The following GNAQ variants were observed in gnomAD, a reference collection of about 807,000 sequenced individuals.
The protein encoded by GNAQ is guanine nucleotide-binding protein G(q) subunit alpha.
A neutral mutation model predicts 43.9 loss-of-function variants in GNAQ; 8 were observed. The observed-to-expected ratio is 0.18, with a 90% CI of 0.11 to 0.33. The LOEUF (loss-of-function observed/expected upper bound fraction) is 0.33, where lower values mean the gene tolerates loss of function less well. GNAQ is among the 10% of genes least tolerant of loss of function. GNAQ has a pLI of 1.00. For missense variants in GNAQ, 158 were observed against 450.8 expected, an observed-to-expected ratio of 0.35 and a Z score of 5.88; for synonymous variants, 155 against 170.7, an observed-to-expected ratio of 0.91 and a Z score of 0.71.
chr9:77,897,328 T>C (rs1228046178), intron 2 of GNAQ, among the ~76,000 whole-genome samples: 2 of 152,186 alleles, frequency 1.3e-5, no homozygotes, highest in African/African-American at 4.8e-5. Flanking sequence ...GTAACATGAA[T>C]CCTTACTGCA....
chr9:77,997,696 G>T (rs1823586945), intron 1 of GNAQ, among the ~76,000 whole-genome samples: 1 of 152,136 alleles, frequency 6.6e-6, no homozygotes, highest in Non-Finnish European at 1.5e-5. Flanking sequence ...GCAGTCTGCA[G>T]CTCAAGGCTG....
rs565116062 is a variant in GNAQ, at chr9:77,920,835, C to G, written c.321+1326G>C. ...GAAACCAGTGTTAATTTCAAGGAAC[C>G]ATCTAAGAAAAACAAATGCCTGATT... On this transcript the variant is annotated intron_variant, in intron 2 of 6. Transcript: ENST00000286548. Among the ~76,000 whole-genome samples, 9 of 152,204 alleles carry G rather than the reference C, an allele frequency of 5.9e-5. No homozygotes were observed. In the South Asian group the frequency reaches 6.2e-4, roughly 11 times the overall value.
rs184246773 is a variant in GNAQ at position 77,892,636 on chromosome 9, C to G, written c.321+29525G>C. Reference sequence around the variant, plus strand: ...AGCAATGTTTTGTTAAAAATAGAAGCTGAAGAGCATTATTGAATATTAACA... The same window carrying G: ...AGCAATGTTTTGTTAAAAATAGAAGGTGAAGAGCATTATTGAATATTAACA... On this transcript the variant is annotated intron_variant, in intron 2 of 6. Coordinates refer to ENST00000286548, the MANE Select transcript of GNAQ (RefSeq NM_002072.5). 6.6e-5 allele frequency among the ~76,000 whole-genome samples: 10 copies of G among 152,276 alleles called. No homozygotes were observed. In the East Asian group the frequency reaches 1.9e-3, roughly 29 times the overall value.
At chr9:77,973,557 C>T (rs1823263895) in intron 1 of GNAQ, among the ~76,000 whole-genome samples, 1 of 152,194 alleles carries the variant, frequency 6.6e-6, no homozygotes, top group Admixed American at 6.5e-5. Context: ...TGGCTCACAC[C>T]TGTAATCCCA....
chr9:77,925,967 T>C (rs117884352), intron 1 of GNAQ, among the ~76,000 whole-genome samples: 5 of 152,310 alleles, frequency 3.3e-5, no homozygotes, highest in East Asian at 1.9e-4. Context: ...GCTATGTAAA[T>C]AGTTGTCATA....
At chr9:77,901,824 T>C (rs746919761) in intron 2 of GNAQ, among the ~76,000 whole-genome samples, 8 of 152,198 alleles carry the variant, frequency 5.3e-5, no homozygotes, top group Non-Finnish European at 2.9e-5. Flanking sequence ...AGGAAGTTCA[T>C]GATCAAGGCA....
chr9:77,884,081 A>G (rs1480686024), intron 2 of GNAQ, among the ~76,000 whole-genome samples: 2 of 152,232 alleles, frequency 1.3e-5, no homozygotes, highest in Non-Finnish European at 2.9e-5. Context: ...CTGGGTGAGA[A>G]GCAAATAATG....
chr9:77,800,325 A>C (rs1372237433), intron 3 of GNAQ, among the ~76,000 whole-genome samples: 1 of 152,036 alleles, frequency 6.6e-6, no homozygotes, highest in Non-Finnish European at 1.5e-5. Flanking sequence ...AACCAACCCA[A>C]ATGTCCAACA....
chr9:77,778,393 T>C (rs1399618484), intron 5 of GNAQ, among the ~76,000 whole-genome samples: 3 of 151,990 alleles, frequency 2.0e-5, no homozygotes, highest in Middle Eastern at 3.4e-3. Context: ...TAAATGTACA[T>C]TGCAAACTCA....
At chr9:77,757,205 A>ATAAC (rs1825916830) in intron 5 of GNAQ, among the ~76,000 whole-genome samples, 1 of 152,336 alleles carries the variant, frequency 6.6e-6, no homozygotes, top group Admixed American at 6.5e-5. Flanking sequence ...AAAATCTGTT[A>ATAAC]TAACTGTCTT....
chr9:77,925,047 G>C (rs759286654), intron 1 of GNAQ, among the ~76,000 whole-genome samples: 1 of 152,082 alleles, frequency 6.6e-6, no homozygotes, highest in Non-Finnish European at 1.5e-5. Context: ...CCCAGCTCCT[G>C]CTGGGTGGCC....
At chr9:77,770,940 A>G (rs1348672521) in intron 5 of GNAQ, among the ~76,000 whole-genome samples, 1 of 150,518 alleles carries the variant, frequency 6.6e-6, no homozygotes, top group Non-Finnish European at 1.5e-5. Flanking sequence ...TGAAAAAAAT[A>G]AAACATTTTT....
In GNAQ at chr9:77,934,436, TTTAC is replaced by T. The variant is rs1304273054; in HGVS notation, c.137-12095_137-12092del. On this transcript the variant is annotated intron_variant, in intron 1 of 6. Coordinates refer to ENST00000286548, the MANE Select transcript of GNAQ (RefSeq NM_002072.5). ...TAATATGTCAAGTTTTTTTTTTGCT[TTTAC>T]TCACGTGGCTCTTCACTTTGAGCCT... Among the ~76,000 whole-genome samples the T allele has an allele frequency of 5.3e-5, 8 of 152,264 alleles. No homozygotes were observed. The East Asian group carries it at 1.5e-3, about 29-fold the overall frequency.
chr9:77,872,575 G>T (rs1207240266), intron 2 of GNAQ, among the ~76,000 whole-genome samples: 1 of 152,014 alleles, frequency 6.6e-6, no homozygotes, highest in Non-Finnish European at 1.5e-5. Context: ...TTCATAACAG[G>T]GTGTAGAATA....
At chr9:77,739,995 G>A (rs181767361) in intron 5 of GNAQ, among the ~76,000 whole-genome samples, 9 of 152,328 alleles carry the variant, frequency 5.9e-5, no homozygotes, top group African/African-American at 2.2e-4. Flanking sequence ...CAGCGCATCA[G>A]ACAGAATCTG....
chr9:78,020,735 C>T (rs1823898700), intron 1 of GNAQ, among the ~76,000 whole-genome samples: 1 of 152,176 alleles, frequency 6.6e-6, no homozygotes, highest in Non-Finnish European at 1.5e-5. Flanking sequence ...TTGGCAACAA[C>T]ACCCTCTGCC....
chr9:77,802,386 A>T (rs1826757252), intron 3 of GNAQ, among the ~76,000 whole-genome samples: 1 of 152,120 alleles, frequency 6.6e-6, no homozygotes, highest in Admixed American at 6.5e-5. Flanking sequence ...GCATGGTAAG[A>T]GTAGAACATC....
intron 5 of GNAQ, among the ~76,000 whole-genome samples, chr9:77,784,085 ATT>A (rs1826438668): frequency 6.6e-6 from 1 of 151,788 alleles, no homozygotes; most frequent in South Asian, 2.1e-4. Context: ...ACAAATGCAC[ATT>A]TTGTTTTTCC....
chr9:77,906,138 C>T (rs1828704306), intron 2 of GNAQ, among the ~76,000 whole-genome samples: 1 of 152,114 alleles, frequency 6.6e-6, no homozygotes. Context: ...GCAACTGATA[C>T]TACCTGACAT....
Sources: gnomAD v4.1 joint callset for allele counts (sites outside exome capture counted in the v4.1 genomes callset) on GRCh38, gnomAD v4.1.1 for gene constraint, MANE v1.5 for transcripts, NCBI Gene and HGNC (gene_info 2026-07-23, HGNC 2026-07-21) for gene names.